The following SPMIP4 variants were observed in gnomAD, a reference collection of about 807,000 sequenced individuals.
The protein encoded by SPMIP4 is sperm microtubule inner protein 4, also known as sperm-associated microtubule inner protein 4.
the SPMIP4 span, chr7:25,134,780 A>G: frequency 6.5e-5 from 64 of 985,414 alleles, no homozygotes; most frequent in African/African-American, 9.2e-4. Flanking sequence ...TGTGTACACT[A>G]TATCTCCCTC....
the SPMIP4 span, among the ~76,000 whole-genome samples, chr7:25,165,746 TG>T: frequency 6.6e-6 from 1 of 152,258 alleles, no homozygotes; most frequent in Non-Finnish European, 1.5e-5. Context: ...TCAGTAAATC[TG>T]GGGTGGAGGC....
the SPMIP4 span, among the ~76,000 whole-genome samples, chr7:25,150,617 CTAT>C: frequency 6.6e-6 from 1 of 152,148 alleles, no homozygotes; most frequent in Non-Finnish European, 1.5e-5. Flanking sequence ...ACCATGTTAG[CTAT>C]TATTATTTTC....
the SPMIP4 span, chr7:25,155,248 G>T: frequency 6.9e-7 from 1 of 1,442,916 alleles, no homozygotes; most frequent in Non-Finnish European, 9.2e-7. Flanking sequence ...AAGTATGGTT[G>T]AAAAAATTAA....
chr7:25,132,578 G>A, the SPMIP4 span, among the ~76,000 whole-genome samples: 1 of 152,152 alleles, frequency 6.6e-6, no homozygotes, highest in Non-Finnish European at 1.5e-5. This position sits in a 1 kb window ranked among gnomAD's most constrained non-coding sequence, Gnocchi z 5.0. Context: ...ACCACCCCTT[G>A]AGTAGTACAC....
chr7:25,134,471 A>T, the SPMIP4 span, among the ~76,000 whole-genome samples: 4 of 152,208 alleles, frequency 2.6e-5, no homozygotes, highest in Non-Finnish European at 5.9e-5. Context: ...ATTAGCTTTA[A>T]CAATCAGCAG....
chr7:25,149,119 C>T, the SPMIP4 span, among the ~76,000 whole-genome samples: 2 of 152,304 alleles, frequency 1.3e-5, no homozygotes, highest in East Asian at 3.9e-4. Flanking sequence ...GGCTGCAGTT[C>T]ATTCTGTATG....
chr7:25,169,356 T>C, the SPMIP4 span, among the ~76,000 whole-genome samples: 1 of 152,106 alleles, frequency 6.6e-6, no homozygotes, highest in African/African-American at 2.4e-5. Flanking sequence ...ATACCCTGTA[T>C]TGCTAAGCCA....
chr7:25,142,639 C>G, the SPMIP4 span: 1 of 1,604,768 alleles, frequency 6.2e-7, no homozygotes. Flanking sequence ...TGAACTCATA[C>G]CTGTAAAATC....
chr7:25,143,325 G>A, the SPMIP4 span, among the ~76,000 whole-genome samples: 1 of 152,180 alleles, frequency 6.6e-6, no homozygotes, highest in Non-Finnish European at 1.5e-5. Context: ...AGCTATGCAT[G>A]TAAACATGAG....
At chr7:25,179,244 T>C in the SPMIP4 span, 5 of 1,613,820 alleles carry the variant, frequency 3.1e-6, no homozygotes, top group Non-Finnish European at 4.2e-6. Context: ...GTAAAAGGTG[T>C]TGGACAGTAT....
At chr7:25,132,844 C>T in the SPMIP4 span, among the ~76,000 whole-genome samples, 7,476 of 152,126 alleles carry the variant, frequency 0.049, 204 homozygotes, top group East Asian at 0.099. The surrounding 1 kb of genome is among the most constrained non-coding windows in gnomAD (Gnocchi z 5.0). Context: ...CTCAAATTTC[C>T]GAAAATTTGA....
At chr7:25,149,934 C>G in the SPMIP4 span, among the ~76,000 whole-genome samples, 1 of 152,214 alleles carries the variant, frequency 6.6e-6, no homozygotes, top group Non-Finnish European at 1.5e-5. Flanking sequence ...AGCAAGCACA[C>G]AGGCCTCCTG....
chr7:25,142,510 AT>A, the SPMIP4 span: 3 of 933,612 alleles, frequency 3.2e-6, no homozygotes, highest in East Asian at 5.4e-5. Flanking sequence ...CTTAATTCTT[AT>A]TTAAATACTT....
At chr7:25,125,864 A>G in the SPMIP4 span, 3 of 969,318 alleles carry the variant, frequency 3.1e-6, no homozygotes, top group Non-Finnish European at 3.7e-6. Context: ...ACCTTGTTCT[A>G]GTTCCACCTA....
the SPMIP4 span, among the ~76,000 whole-genome samples, chr7:25,171,184 G>A: frequency 6.6e-6 from 1 of 152,182 alleles, no homozygotes. Flanking sequence ...TGGACTGGCG[G>A]TTTCCTAAAT....
chr7:25,143,371 CT>C, the SPMIP4 span, among the ~76,000 whole-genome samples: 15 of 152,176 alleles, frequency 9.9e-5, no homozygotes, highest in Non-Finnish European at 1.2e-4. Context: ...TTTTTGATTA[CT>C]TAGAAATTCA....
At chr7:25,143,646 C>T in the SPMIP4 span, among the ~76,000 whole-genome samples, 1 of 142,426 alleles carries the variant, frequency 7.0e-6, no homozygotes, top group African/African-American at 2.7e-5. Context: ...GGCTGGAGTG[C>T]AGTGGTACAA....
the SPMIP4 span, chr7:25,179,634 T>A: frequency 4.7e-6 from 1 of 213,452 alleles, no homozygotes; most frequent in Non-Finnish European, 9.2e-6. Flanking sequence ...TGCCTTAAAT[T>A]TAACTATAAC....
chr7:25,174,892 T>C, the SPMIP4 span, among the ~76,000 whole-genome samples: 2 of 152,362 alleles, frequency 1.3e-5, no homozygotes, highest in African/African-American at 4.8e-5. This position sits in a 1 kb window ranked among gnomAD's most constrained non-coding sequence, Gnocchi z 4.5. Context: ...ATATTTTTAA[T>C]GGAGATCAAG....
Sources: allele counts gnomAD v4.1 joint callset (sites outside exome capture counted in the v4.1 genomes callset), GRCh38; gene constraint gnomAD v4.1.1; non-coding constraint Gnocchi (gnomAD v3.1); transcripts MANE v1.5; gene names NCBI Gene and HGNC (gene_info 2026-07-23, HGNC 2026-07-21).